HPCAL1: variants seen among roughly 807,000 people sequenced by gnomAD.
The protein encoded by HPCAL1 is hippocalcin like 1.
In HPCAL1, 8 loss-of-function variants were observed where a neutral mutation model predicts 17.1. The observed-to-expected ratio is 0.47, with a 90% CI of 0.27 to 0.84. HPCAL1 has a LOEUF of 0.84. Among genes scored for constraint, HPCAL1 ranks in the 40% least tolerant of loss-of-function variants. HPCAL1 has a pLI of 0.13. For missense variants in HPCAL1, 165 were observed against 271.1 expected, an observed-to-expected ratio of 0.61 and a Z score of 2.75; for synonymous variants, 112 against 111.4, an observed-to-expected ratio of 1.01 and a Z score of -0.03.
intron 1 of HPCAL1, among the ~76,000 whole-genome samples, chr2:10,388,360 T>TGA (rs553722741): frequency 3.9e-5 from 6 of 152,150 alleles, no homozygotes; most frequent in Non-Finnish European, 8.8e-5. Flanking sequence ...GGAGCCATGG[T>TGA]GAGGGTGGCA....
At position 10,344,894 on chromosome 2, in the gene HPCAL1, C is replaced by T. The variant is rs559567053; in HGVS notation, c.-111+41717C>T. Among the ~76,000 whole-genome samples, 70 of 121,386 alleles carry T rather than the reference C, an allele frequency of 5.8e-4. No homozygotes were observed. Among genetic ancestry groups the T allele is most frequent in the African/African-American group, 1.5e-3 (48 of 31,520 alleles). 79.6% of individuals were successfully genotyped at this position (121,386 alleles called of 152,430 possible). A position where few individuals can be genotyped will look rare whatever the true frequency, so the allele number is the denominator to read the frequency against. On this transcript the variant is annotated intron_variant, in intron 1 of 4. Coordinates refer to ENST00000307845, the MANE Select transcript of HPCAL1 (RefSeq NM_002149.4). This position sits in a 1 kb window ranked among gnomAD's most constrained non-coding sequence, Gnocchi z 4.9. ...CTCTTTCTGCCTCTCTCTATGTGTC[C>T]GTTTCTCTTTCTCTCTGTGTGTCTC... is the stretch of plus-strand genomic sequence containing the variant.
At chr2:10,340,191 T>G (rs1401104086) in intron 1 of HPCAL1, among the ~76,000 whole-genome samples, 1 of 152,214 alleles carries the variant, frequency 6.6e-6, no homozygotes, top group African/African-American at 2.4e-5. Flanking sequence ...AGGGTGCACT[T>G]CAGCCCCTCA....
At chr2:10,332,524 G>A (rs908295882) in intron 1 of HPCAL1, among the ~76,000 whole-genome samples, 2 of 152,132 alleles carry the variant, frequency 1.3e-5, no homozygotes, top group Admixed American at 6.5e-5. Flanking sequence ...GTGCAGGGAA[G>A]GGGTGAAGCG....
chr2:10,354,571 G>A lies in HPCAL1; in HGVS notation c.-110-42264G>A, dbSNP rs866667831. Among the ~76,000 whole-genome samples, 30 of 152,210 alleles carry A rather than the reference G, an allele frequency of 2.0e-4. No homozygotes were observed. The highest frequency in any genetic ancestry group is 4.6e-4 in the African/African-American group (19 of 41,458). Reference sequence around the variant, plus strand: ...AGAAGCAGAGCTCCCAGGGCTCATCGCACAGCCATGGCCGAGGTGTCGGGA... The same window carrying A: ...AGAAGCAGAGCTCCCAGGGCTCATCACACAGCCATGGCCGAGGTGTCGGGA... On this transcript the variant is annotated intron_variant, in intron 1 of 4. Coordinates refer to ENST00000307845, the MANE Select transcript of HPCAL1 (RefSeq NM_002149.4). This position sits in a 1 kb window ranked among gnomAD's most constrained non-coding sequence, Gnocchi z 5.1.
intron 1 of HPCAL1, among the ~76,000 whole-genome samples, chr2:10,340,989 A>G (rs1032574086): frequency 1.3e-5 from 2 of 152,114 alleles, no homozygotes; most frequent in East Asian, 3.8e-4. Context: ...TCTAGATACT[A>G]TATTGGATAT....
At chr2:10,313,025 T>C (rs1242817812) in intron 1 of HPCAL1, among the ~76,000 whole-genome samples, 3 of 151,996 alleles carry the variant, frequency 2.0e-5, no homozygotes, top group African/African-American at 4.8e-5. Flanking sequence ...TCTTTGGGGG[T>C]TTTCTACTGT....
chr2:10,404,108 C>T (rs1015481066), intron 2 of HPCAL1, among the ~76,000 whole-genome samples: 3 of 152,152 alleles, frequency 2.0e-5, no homozygotes, highest in African/African-American at 7.2e-5. Context: ...CAGAGGTCAC[C>T]AGCCCAGAGG....
At chr2:10,409,311 G>A (rs1053025141) in intron 2 of HPCAL1, among the ~76,000 whole-genome samples, 2 of 152,108 alleles carry the variant, frequency 1.3e-5, no homozygotes, top group African/African-American at 4.8e-5. Context: ...CTCTAGCGTC[G>A]GCCCAGCCAC....
Position 10,362,549 on chromosome 2 carries a change from G to A in HPCAL1, c.-110-34286G>A, listed in dbSNP as rs561354138. On this transcript the variant is annotated intron_variant, in intron 1 of 4. Coordinates refer to ENST00000307845, the MANE Select transcript of HPCAL1 (RefSeq NM_002149.4). The surrounding 1 kb of genome is among the most constrained non-coding windows in gnomAD (Gnocchi z 5.0). ...TCAGGAAAGGAAAGGTGAGCTGGGC[G>A]ATGGGGAAGGCCTCCACGGTGTTCT... 6.6e-6 allele frequency among the ~76,000 whole-genome samples: 1 copy of A among 152,318 alleles called. No homozygotes were observed. Among genetic ancestry groups the A allele is most frequent in the East Asian group, 1.9e-4 (1 of 5,178 alleles).
intron 4 of HPCAL1, 109 bp from the exon 5 acceptor site, chr2:10,426,615 G>C: frequency 1.2e-6 from 1 of 840,750 alleles, no homozygotes. Context: ...AGAAGGCTCA[G>C]GACTTTCAAC....
At chr2:10,392,414 A>T (rs11677222) in intron 1 of HPCAL1, among the ~76,000 whole-genome samples, 1,816 of 152,290 alleles carry the variant, frequency 0.012, 40 homozygotes, top group African/African-American at 0.042. Context: ...CTTTGTGGAT[A>T]GTGTTTTGAT....
chr2:10,354,753 A>G lies in HPCAL1; in HGVS notation c.-110-42082A>G, dbSNP rs1214329767. Among the ~76,000 whole-genome samples the G allele has an allele frequency of 1.3e-5, 2 of 152,248 alleles. No individual in the cohort carries two copies. The highest frequency in any genetic ancestry group is 1.9e-4 in the East Asian group (1 of 5,200). The stretch of plus-strand genomic sequence containing the variant: ...TGCATAGGCTTCAAGGAGGGAGGAT[A>G]TGGATGTGAGCTTATTGTACAAATG... On this transcript the variant is annotated intron_variant, in intron 1 of 4. Coordinates refer to ENST00000307845, the MANE Select transcript of HPCAL1 (RefSeq NM_002149.4). The surrounding 1 kb of genome is among the most constrained non-coding windows in gnomAD (Gnocchi z 5.1).
chr2:10,426,593 C>A (rs905936839), intron 4 of HPCAL1, 131 bp from the exon 5 acceptor site: 3 of 740,100 alleles, frequency 4.1e-6, no homozygotes, highest in Non-Finnish European at 7.2e-6. Flanking sequence ...GACTAGACAC[C>A]GTCCAGCTTC....
chr2:10,402,345 C>T (rs768021422), intron 2 of HPCAL1, among the ~76,000 whole-genome samples: 1 of 152,224 alleles, frequency 6.6e-6, no homozygotes, highest in Non-Finnish European at 1.5e-5. Flanking sequence ...TGTTCCGTGA[C>T]TGCGTGTTGA....
rs554547181 is a variant in HPCAL1, at chr2:10,420,166, G to A, written c.378+31G>A. ...GGCGCCCGAGGCCCCGGGTCTCACC[G>A]CGGGCCCAGGTCCCCTCCCAGCTCC... On this transcript the variant is annotated intron_variant, in intron 3 of 4. Coordinates refer to ENST00000307845, the MANE Select transcript of HPCAL1 (RefSeq NM_002149.4). 2.3e-5 allele frequency: 37 copies of A among 1,575,808 alleles called. No homozygotes were observed. The South Asian group carries it at 2.4e-4, about 10-fold the overall frequency.
At chr2:10,329,840 G>A (rs1428447090) in intron 1 of HPCAL1, among the ~76,000 whole-genome samples, 3 of 152,276 alleles carry the variant, frequency 2.0e-5, no homozygotes, top group Non-Finnish European at 4.4e-5. Flanking sequence ...TTGAGGTGAC[G>A]TTGGTCACAT....
At chr2:10,381,269 A>T (rs1445854051) in intron 1 of HPCAL1, among the ~76,000 whole-genome samples, 1 of 152,242 alleles carries the variant, frequency 6.6e-6, no homozygotes, top group African/African-American at 2.4e-5. Flanking sequence ...CAAGGATGTT[A>T]CGTTGTGCTT....
intron 1 of HPCAL1, among the ~76,000 whole-genome samples, chr2:10,379,905 C>T (rs1343736424): frequency 6.6e-6 from 1 of 152,204 alleles, no homozygotes; most frequent in Non-Finnish European, 1.5e-5. Context: ...GCTGGCTATA[C>T]TGCAGCCCCC....
intron 2 of HPCAL1, among the ~76,000 whole-genome samples, chr2:10,401,952 G>A (rs1234002778): frequency 6.6e-6 from 1 of 152,206 alleles, no homozygotes; most frequent in Non-Finnish European, 1.5e-5. Context: ...CCAGGCTGGA[G>A]TGCAGTGGTG....
Sources: gnomAD v4.1 joint callset for allele counts (sites outside exome capture counted in the v4.1 genomes callset) on GRCh38, gnomAD v4.1.1 for gene constraint, Gnocchi (gnomAD v3.1) non-coding constraint, MANE v1.5 for transcripts, NCBI Gene and HGNC (gene_info 2026-07-23, HGNC 2026-07-21) for gene names.